Variants in SNX24 observed in about 807,000 individuals in gnomAD.
SNX24 encodes sorting nexin-24.
A neutral mutation model predicts 28.7 loss-of-function variants in SNX24; 22 were observed. The observed-to-expected ratio is 0.77, with a 90% CI of 0.55 to 1.10. The LOEUF (loss-of-function observed/expected upper bound fraction) is 1.10, where lower values mean the gene tolerates loss of function less well. SNX24 is among the 50% of genes least tolerant of loss of function. The probability of loss-of-function intolerance (pLI) is 0.00; values close to 1 mark genes in which losing one functional copy is unlikely to be tolerated. For missense variants in SNX24, 221 were observed against 201.1 expected (o/e 1.10, Z -0.60); for synonymous variants, 69 against 71.5 (o/e 0.96, Z 0.18).
intron 3 of SNX24, among the ~76,000 whole-genome samples, chr5:122,957,722 AT>A (rs1302416762): frequency 6.6e-6 from 1 of 152,036 alleles, no homozygotes; most frequent in African/African-American, 2.4e-5. Context: ...TGTAGTTTTC[AT>A]TGTATAAGTC....
intron 2 of SNX24, 74 bp from the exon 3 acceptor site, chr5:122,945,981 C>T: frequency 1.4e-6 from 1 of 739,066 alleles, no homozygotes; most frequent in Non-Finnish European, 2.1e-6. Context: ...CTTTTTTCCC[C>T]AAATAATATC....
intron 1 of SNX24, among the ~76,000 whole-genome samples, chr5:122,918,261 C>A (rs1758270857): frequency 1.3e-5 from 2 of 152,028 alleles, no homozygotes; most frequent in African/African-American, 4.8e-5. Context: ...GTGGGGTGCA[C>A]AGTTCAGTTT....
chr5:122,950,948 T>G (rs1043237671), intron 3 of SNX24, among the ~76,000 whole-genome samples: 3 of 152,148 alleles, frequency 2.0e-5, no homozygotes, highest in Non-Finnish European at 4.4e-5. Flanking sequence ...TCAAGGCTCT[T>G]TCCTAGATAG....
intron 3 of SNX24, among the ~76,000 whole-genome samples, chr5:122,953,690 G>A (rs976988798): frequency 6.6e-6 from 1 of 152,140 alleles, no homozygotes; most frequent in African/African-American, 2.4e-5. Context: ...TTGTGCATAC[G>A]TTACTTGTTC....
intron 3 of SNX24, among the ~76,000 whole-genome samples, chr5:122,962,630 A>G (rs554344846): frequency 3.0e-4 from 45 of 152,360 alleles, no homozygotes; most frequent in Middle Eastern, 3.4e-3. Context: ...ATGATCCTTC[A>G]GAGGTGGCAT....
At chr5:122,853,508 C>T (rs1176937266) in intron 1 of SNX24, among the ~76,000 whole-genome samples, 1 of 152,154 alleles carries the variant, frequency 6.6e-6, no homozygotes, top group Non-Finnish European at 1.5e-5. Context: ...ATGGTACATT[C>T]ATTTAAGAAT....
intron 1 of SNX24, among the ~76,000 whole-genome samples, chr5:122,874,141 A>G (rs367726986): frequency 8.1e-4 from 124 of 152,366 alleles, no homozygotes; most frequent in African/African-American, 2.7e-3. Context: ...GTATTGCTCC[A>G]TGGAGATATT....
At chr5:122,936,181 A>T (rs1250819178) in intron 1 of SNX24, among the ~76,000 whole-genome samples, 1 of 152,192 alleles carries the variant, frequency 6.6e-6, no homozygotes, top group African/African-American at 2.4e-5. Flanking sequence ...AGGGAAAATG[A>T]GCCTTTACTA....
At chr5:122,995,150 A>G (rs775609318) in intron 3 of SNX24, among the ~76,000 whole-genome samples, 1 of 152,194 alleles carries the variant, frequency 6.6e-6, no homozygotes, top group Non-Finnish European at 1.5e-5. Flanking sequence ...TTCAGTGCCT[A>G]TTCTTTTCAT....
intron 1 of SNX24, among the ~76,000 whole-genome samples, chr5:122,871,005 C>T (rs1581689805): frequency 6.6e-6 from 1 of 152,284 alleles, no homozygotes; most frequent in East Asian, 1.9e-4. Flanking sequence ...CTCAGAGAAT[C>T]TGATGGTCTT....
intron 1 of SNX24, among the ~76,000 whole-genome samples, chr5:122,878,338 G>A (rs1487429237): frequency 6.6e-6 from 1 of 152,162 alleles, no homozygotes; most frequent in African/African-American, 2.4e-5. Context: ...AGGTGGAGAA[G>A]GGGCCAGTGG....
At chr5:123,028,102 T>A (rs1192170718) in intron 5 of SNX24, among the ~76,000 whole-genome samples, 1 of 152,204 alleles carries the variant, frequency 6.6e-6, no homozygotes. Flanking sequence ...TAAGCTTGGG[T>A]CCTGACGAAA....
intron 3 of SNX24, among the ~76,000 whole-genome samples, chr5:122,946,530 T>A (rs1759692494): frequency 1.3e-5 from 2 of 152,118 alleles, no homozygotes; most frequent in South Asian, 4.1e-4. Flanking sequence ...GCGGGGCTGG[T>A]TGGGGTAGTG....
At chr5:122,996,376 T>C (rs767951164) in intron 3 of SNX24, among the ~76,000 whole-genome samples, 4 of 152,212 alleles carry the variant, frequency 2.6e-5, no homozygotes, top group African/African-American at 4.8e-5. Context: ...CAGGTGTTCT[T>C]GGCTGGGCTG....
chr5:122,986,550 G>A (rs1008621800), intron 3 of SNX24, among the ~76,000 whole-genome samples: 1 of 152,116 alleles, frequency 6.6e-6, no homozygotes, highest in Non-Finnish European at 1.5e-5. Flanking sequence ...GTAAAGTGAG[G>A]TTAGAAGTGA....
At chr5:122,991,223 AT>A (rs534306030) in intron 3 of SNX24, among the ~76,000 whole-genome samples, 80 of 150,344 alleles carry the variant, frequency 5.3e-4, no homozygotes, top group African/African-American at 1.1e-3. Context: ...ATTTATTTGG[AT>A]TTTTTTTTTC....
intron 2 of SNX24, among the ~76,000 whole-genome samples, chr5:122,944,888 CGTT>C (rs1418929138): frequency 1.3e-5 from 2 of 152,030 alleles, no homozygotes; most frequent in African/African-American, 4.8e-5. Context: ...AAAGGAGTAA[CGTT>C]GGTAGGTTTT....
At chr5:122,988,269 G>T (rs1761689719) in intron 3 of SNX24, among the ~76,000 whole-genome samples, 1 of 152,186 alleles carries the variant, frequency 6.6e-6, no homozygotes, top group African/African-American at 2.4e-5. Flanking sequence ...TTAGTCGGGG[G>T]TGTACTAGGG....
chr5:123,021,104 T>TCCCCCCCCCCC (rs11407427), intron 5 of SNX24, among the ~76,000 whole-genome samples: 2 of 146,554 alleles, frequency 1.4e-5, no homozygotes, highest in African/African-American at 5.1e-5. Flanking sequence ...TCCACACAGT[T>TCCCCCCCCCCC]CCCCCCCCGT....
Sources: allele counts gnomAD v4.1 joint callset (sites outside exome capture counted in the v4.1 genomes callset), GRCh38; gene constraint gnomAD v4.1.1; transcripts MANE v1.5; gene names NCBI Gene and HGNC (gene_info 2026-07-23, HGNC 2026-07-21).